CSMD1: variants seen among roughly 807,000 people sequenced by gnomAD.
CSMD1 encodes CUB and Sushi multiple domains 1.
Under a neutral mutation model 417.5 loss-of-function variants are expected in CSMD1, and 213 were observed. The observed-to-expected ratio is 0.51, with a 90% CI of 0.46 to 0.57. The LOEUF is 0.57. CSMD1 is among the 20% of genes least tolerant of loss of function. CSMD1 has a pLI of 0.00. For synonymous variants in CSMD1, 2,862 were observed against 1,736.8 expected (o/e 1.65, Z -16.11); for missense variants, 6,923 against 4,529.7 (o/e 1.53, Z -15.17).
intron 7 of CSMD1, among the ~76,000 whole-genome samples, chr8:3,694,682 G>C (rs1057013228): frequency 2.0e-5 from 3 of 151,894 alleles, no homozygotes; most frequent in African/African-American, 7.3e-5. Flanking sequence ...CCACTGAACT[G>C]CTGTGGGCTT....
chr8:3,138,084 G>C (rs1340583176), intron 41 of CSMD1, among the ~76,000 whole-genome samples: 1 of 152,156 alleles, frequency 6.6e-6, no homozygotes, highest in Non-Finnish European at 1.5e-5. Flanking sequence ...AAATTAGCCA[G>C]GCATGGTGGC....
intron 12 of CSMD1, among the ~76,000 whole-genome samples, chr8:3,454,297 A>AT: frequency 6.6e-6 from 1 of 152,284 alleles, no homozygotes; most frequent in African/African-American, 2.4e-5. Flanking sequence ...TAATTGGAGC[A>AT]TTTGGCCCAT....
chr8:4,775,397 A>G (rs934182712), intron 1 of CSMD1, among the ~76,000 whole-genome samples: 1 of 152,164 alleles, frequency 6.6e-6, no homozygotes, highest in African/African-American at 2.4e-5. Context: ...TAGAGTTTAT[A>G]AACTTCCATG....
At chr8:3,298,984 T>C (rs2117326643) in intron 25 of CSMD1, among the ~76,000 whole-genome samples, 1 of 152,264 alleles carries the variant, frequency 6.6e-6, no homozygotes, top group Admixed American at 6.5e-5. Context: ...AAAACAAACA[T>C]GCACCCTGGT....
intron 1 of CSMD1, among the ~76,000 whole-genome samples, chr8:4,709,872 A>G (rs576136251): frequency 6.6e-6 from 1 of 152,328 alleles, no homozygotes; most frequent in African/African-American, 2.4e-5. Flanking sequence ...AAAAGTCTCA[A>G]TGAACGTTTA....
intron 26 of CSMD1, among the ~76,000 whole-genome samples, chr8:3,242,100 AAGG>A (rs1799573001): frequency 6.7e-6 from 1 of 148,892 alleles, no homozygotes; most frequent in African/African-American, 2.5e-5. Context: ...GATAAAGAAA[AAGG>A]AGCATTAACC....
chr8:3,572,692 G>A (rs983452732), intron 10 of CSMD1, among the ~76,000 whole-genome samples: 1 of 152,072 alleles, frequency 6.6e-6, no homozygotes, highest in Non-Finnish European at 1.5e-5. Context: ...TGAAAATGTC[G>A]CAATGGGATA....
chr8:3,468,039 A>G (rs1026243781), intron 12 of CSMD1, among the ~76,000 whole-genome samples: 2 of 152,236 alleles, frequency 1.3e-5, no homozygotes, highest in Non-Finnish European at 2.9e-5. Flanking sequence ...GAAGGAACCA[A>G]TAAGATATTT....
intron 2 of CSMD1, among the ~76,000 whole-genome samples, chr8:4,631,142 C>A (rs1308592845): frequency 6.6e-6 from 1 of 152,122 alleles, no homozygotes; most frequent in African/African-American, 2.4e-5. Context: ...GCGGGTGGAT[C>A]ACGAGGTCAG....
chr8:4,179,960 A>C (rs1017488602), intron 3 of CSMD1, among the ~76,000 whole-genome samples: 13 of 152,074 alleles, frequency 8.5e-5, no homozygotes, highest in African/African-American at 3.1e-4. Flanking sequence ...AGAAATAGGA[A>C]CACTTTTACA....
chr8:3,974,137 T>G (rs929695968), intron 5 of CSMD1, among the ~76,000 whole-genome samples: 1 of 152,174 alleles, frequency 6.6e-6, no homozygotes, highest in African/African-American at 2.4e-5. Flanking sequence ...TAGTTTTGTG[T>G]GTGTGTGTCT....
chr8:4,311,521 G>A (rs980156994), intron 3 of CSMD1, among the ~76,000 whole-genome samples: 2 of 152,002 alleles, frequency 1.3e-5, no homozygotes, highest in Non-Finnish European at 2.9e-5. Context: ...TCAGGAGTTC[G>A]AGACCAGCCT....
rs1323126400 is a variant in CSMD1 at position 3,569,475 on chromosome 8, T to A, written c.1344+5470A>T. Among the ~76,000 whole-genome samples the A allele has an allele frequency of 2.0e-5, 3 of 152,178 alleles. No homozygotes were observed. The East Asian group carries it at 5.8e-4, about 29-fold the overall frequency. ...CAAAAAAAGAGAAGTTTGTATTGACTAAGAGAGAATTGGCGTCGGAAACTG... is the reference window on the plus strand; with the variant it reads ...CAAAAAAAGAGAAGTTTGTATTGACAAAGAGAGAATTGGCGTCGGAAACTG... On this transcript the variant is annotated intron_variant, in intron 10 of 69. Coordinates refer to ENST00000635120, the MANE Select transcript of CSMD1 (RefSeq NM_033225.6).
At chr8:4,895,280 A>G (rs781232906) in intron 1 of CSMD1, among the ~76,000 whole-genome samples, 1 of 152,160 alleles carries the variant, frequency 6.6e-6, no homozygotes, top group African/African-American at 2.4e-5. Flanking sequence ...TGTTACGATT[A>G]TGAAAATGGT....
chr8:3,346,637 CTT>C (rs1808016646), intron 22 of CSMD1, among the ~76,000 whole-genome samples: 1 of 152,196 alleles, frequency 6.6e-6, no homozygotes, highest in Non-Finnish European at 1.5e-5. Context: ...AATCTGTAAG[CTT>C]CTCCTGACCT....
chr8:4,182,940 A>G (rs1798459160), intron 3 of CSMD1, among the ~76,000 whole-genome samples: 1 of 152,200 alleles, frequency 6.6e-6, no homozygotes, highest in South Asian at 2.1e-4. Context: ...CAATTAGCAA[A>G]TGAAGATAAT....
At chr8:3,206,790 A>G (rs1332671367) in intron 30 of CSMD1, among the ~76,000 whole-genome samples, 1 of 152,096 alleles carries the variant, frequency 6.6e-6, no homozygotes, top group Non-Finnish European at 1.5e-5. Context: ...AAAATGAAAA[A>G]CACTGTACAC....
chr8:4,607,435 G>C (rs1800936513), intron 2 of CSMD1, among the ~76,000 whole-genome samples: 2 of 152,146 alleles, frequency 1.3e-5, no homozygotes, highest in Admixed American at 1.3e-4. Context: ...TAAGCAAAAG[G>C]AAACTGTTGA....
intron 50 of CSMD1, among the ~76,000 whole-genome samples, chr8:3,045,498 AC>A (rs1811376050): frequency 6.6e-6 from 1 of 151,894 alleles, no homozygotes; most frequent in Non-Finnish European, 1.5e-5. Context: ...ACTGCAAGAG[AC>A]CCCTTATTCC....
Sources: allele counts gnomAD v4.1 joint callset (sites outside exome capture counted in the v4.1 genomes callset), GRCh38; gene constraint gnomAD v4.1.1; transcripts MANE v1.5; gene names NCBI Gene and HGNC (gene_info 2026-07-23, HGNC 2026-07-21).